The following MICU3 variants were observed in gnomAD, a reference collection of about 807,000 sequenced individuals.
MICU3 encodes the protein mitochondrial calcium uptake 3.
Under a neutral mutation model 66.5 loss-of-function variants are expected in MICU3, and 62 were observed. That is an observed-to-expected ratio of 0.93 (90% confidence interval 0.76 to 1.15). The LOEUF (loss-of-function observed/expected upper bound fraction) is 1.15, where lower values mean the gene tolerates loss of function less well. MICU3 is among the 50% of genes most tolerant of loss of function. The probability of loss-of-function intolerance (pLI) is 0.00; values close to 1 mark genes in which losing one functional copy is unlikely to be tolerated. For synonymous variants in MICU3, 308 were observed against 240.7 expected (o/e 1.28, Z -2.59); for missense variants, 779 against 664.4 (o/e 1.17, Z -1.90).
intron 1 of MICU3, among the ~76,000 whole-genome samples, chr8:17,047,857 G>A (rs1023177608): frequency 6.6e-6 from 1 of 152,182 alleles, no homozygotes. Context: ...AAAAAGGGGT[G>A]AAATTCAAGA....
At chr8:17,099,366 T>G (rs936736423) in intron 9 of MICU3, among the ~76,000 whole-genome samples, 1 of 151,822 alleles carries the variant, frequency 6.6e-6, no homozygotes, top group African/African-American at 2.4e-5. Flanking sequence ...TTTTCTAAAC[T>G]TTAAATTTAA....
chr8:17,040,135 C>T (rs1003732228), intron 1 of MICU3, among the ~76,000 whole-genome samples: 1 of 151,762 alleles, frequency 6.6e-6, no homozygotes, highest in Non-Finnish European at 1.5e-5. Context: ...CTCGAACTCC[C>T]GATCTCAGGT....
intron 8 of MICU3, among the ~76,000 whole-genome samples, chr8:17,097,889 A>G (rs1379607612): frequency 6.6e-6 from 1 of 151,788 alleles, no homozygotes; most frequent in Non-Finnish European, 1.5e-5. Flanking sequence ...TACCGTAACC[A>G]TTCACAATAG....
chr8:17,047,951 A>G (rs1815371343), intron 1 of MICU3, among the ~76,000 whole-genome samples: 1 of 152,318 alleles, frequency 6.6e-6, no homozygotes, highest in South Asian at 2.1e-4. Flanking sequence ...TATTATTTTA[A>G]AAGAAGTTAC....
rs574377515 is a variant in MICU3 at position 17,061,199 on chromosome 8, A to C, written c.382-2885A>C. On this transcript the variant is annotated intron_variant, in intron 1 of 14. Transcript: ENST00000318063. ...TGTGTGAAATTAGAGAGAGGACTGC[A>C]GGCTTTGTTAGTTGATTGTTGGTAG... Among the ~76,000 whole-genome samples the C allele has an allele frequency of 2.0e-5, 3 of 152,256 alleles. No individual in the cohort carries two copies. The South Asian group carries it at 6.2e-4, about 32-fold the overall frequency.
At chr8:17,129,646 A>G in the MICU3 span, among the ~76,000 whole-genome samples, 2 of 152,224 alleles carry the variant, frequency 1.3e-5, no homozygotes, top group African/African-American at 2.4e-5. Flanking sequence ...ATAGCACCTC[A>G]GTGAACTATG....
rs966917708 is a variant in MICU3, at chr8:17,098,391, G to A, written c.889-67G>A. On this transcript the variant is annotated intron_variant, in intron 8 of 14. Transcript: ENST00000318063. ...CTTTTCAAGGTTGGTTAGATTTAAA[G>A]TGTATAAATTATCATTCTTTGTAAC... 18 of 1,040,440 alleles carry A rather than the reference G, an allele frequency of 1.7e-5. No homozygotes were observed. In the African/African-American group the frequency reaches 2.2e-4, roughly 13 times the overall value. The allele number at this position is 1,040,440 out of a possible 1,614,324, so 64.5% of individuals were successfully genotyped here.
At chr8:17,049,777 C>T (rs1815746513) in intron 1 of MICU3, among the ~76,000 whole-genome samples, 1 of 152,164 alleles carries the variant, frequency 6.6e-6, no homozygotes, top group African/African-American at 2.4e-5. Flanking sequence ...ATTAAGTTAA[C>T]TCTTTTGTAC....
intron 12 of MICU3, 117 bp downstream of exon 12, chr8:17,114,318 G>T: frequency 3.2e-6 from 2 of 616,014 alleles, no homozygotes; most frequent in East Asian, 2.9e-5. Context: ...TGAAAGTCCG[G>T]TGTATACTTT....
intron 1 of MICU3, among the ~76,000 whole-genome samples, chr8:17,046,959 A>G (rs1331363916): frequency 1.3e-5 from 2 of 152,158 alleles, no homozygotes; most frequent in Non-Finnish European, 2.9e-5. Context: ...TGGAAGGAAA[A>G]GCCCTTAACA....
intron 1 of MICU3, among the ~76,000 whole-genome samples, chr8:17,028,627 T>G (rs1360206601): frequency 6.6e-6 from 1 of 152,254 alleles, no homozygotes. Flanking sequence ...GCAGTGGTGA[T>G]CTGATGTAAG....
At chr8:17,035,073 A>G (rs1448862781) in intron 1 of MICU3, among the ~76,000 whole-genome samples, 2 of 152,200 alleles carry the variant, frequency 1.3e-5, no homozygotes. Flanking sequence ...CTGATGTTTT[A>G]TAAAGGGGAG....
intron 2 of MICU3, among the ~76,000 whole-genome samples, chr8:17,069,304 T>G (rs762414388): frequency 3.3e-5 from 5 of 152,122 alleles, no homozygotes; most frequent in Non-Finnish European, 7.4e-5. Context: ...AAAATTATAG[T>G]TTATCTATGT....
intron 2 of MICU3, among the ~76,000 whole-genome samples, chr8:17,067,939 G>A (rs1818974063): frequency 6.6e-6 from 1 of 151,990 alleles, no homozygotes; most frequent in Non-Finnish European, 1.5e-5. Context: ...TTATGATTTT[G>A]CATTATAATC....
chr8:17,118,657 C>T (rs777274862), intron 13 of MICU3, 50 bp from the exon 14 acceptor site: 2 of 1,162,010 alleles, frequency 1.7e-6, no homozygotes, highest in East Asian at 4.8e-5. Flanking sequence ...TGAAATCACG[C>T]TGTATTTGTC....
At chr8:17,093,598 G>C (rs1020924311) in intron 8 of MICU3, among the ~76,000 whole-genome samples, 4 of 151,754 alleles carry the variant, frequency 2.6e-5, no homozygotes, top group African/African-American at 9.7e-5. Flanking sequence ...CAATAGATTT[G>C]TTAACTTCTA....
intron 2 of MICU3, among the ~76,000 whole-genome samples, chr8:17,069,445 C>T (rs979494522): frequency 2.6e-5 from 4 of 151,954 alleles, no homozygotes; most frequent in Non-Finnish European, 4.4e-5. Context: ...TAAGATGATA[C>T]GGCTGTGGAG....
Position 17,116,497 on chromosome 8 carries a change from T to C in MICU3, c.1421T>C (p.Leu474Ser), listed in dbSNP as rs1802693701. Reference protein sequence around the residue: ...VATGLKFSPHLVNTVFKIFDV... With the variant: ...VATGLKFSPHSVNTVFKIFDV... ...ACTGGACTCAAATTTTCACCACATT[T>C]AGTGAACACTGTCTTCAAGATTTTT... Residue 474 changes from leucine (L) to serine (S), a missense_variant, in exon 13 of 15, where the codon TTA becomes TCA. By Grantham distance (145) the Leu-to-Ser change is moderately radical. Transcript: ENST00000318063. The C allele has an allele frequency of 1.3e-6, 2 of 1,557,456 alleles. No individual in the cohort carries two copies. The highest frequency in any genetic ancestry group is 1.7e-6 in the Non-Finnish European group (2 of 1,158,982).
At chr8:17,031,685 A>G (rs1447144855) in intron 1 of MICU3, among the ~76,000 whole-genome samples, 1 of 152,214 alleles carries the variant, frequency 6.6e-6, no homozygotes, top group East Asian at 1.9e-4. Flanking sequence ...TCTTTTAAGT[A>G]TAATATGCTG....
Sources: gnomAD v4.1 joint callset for allele counts (sites outside exome capture counted in the v4.1 genomes callset) on GRCh38, gnomAD v4.1.1 for gene constraint, MANE v1.5 for transcripts, NCBI Gene and HGNC (gene_info 2026-07-23, HGNC 2026-07-21) for gene names.